Variants in ACTG2 observed in about 807,000 individuals in gnomAD.
ACTG2 encodes actin gamma 2, smooth muscle.
A neutral mutation model predicts 37.6 loss-of-function variants in ACTG2; 16 were observed. The observed-to-expected ratio is 0.43, with a 90% confidence interval of 0.29 to 0.65. The LOEUF is 0.65. Among genes scored for constraint, ACTG2 ranks in the 30% least tolerant of loss-of-function variants. ACTG2 has a pLI of 0.18. For missense variants in ACTG2, 238 were observed against 490.9 expected, an observed-to-expected ratio of 0.48 and a Z score of 4.87; for synonymous variants, 181 against 179.9, an observed-to-expected ratio of 1.01 and a Z score of -0.05.
At position 73,901,389 on chromosome 2, in the gene ACTG2, T is replaced by C. The variant is rs758891000; in HGVS notation, c.78T>C (p.Asp26=). ...GLCKAGFAGD[D]APRAVFPSIV... ...GCAAGGCAGGCTTCGCAGGAGATGATGCCCCCCGGGCTGTCTTCCCCTCCA... is the reference window on the plus strand; with the variant it reads ...GCAAGGCAGGCTTCGCAGGAGATGACGCCCCCCGGGCTGTCTTCCCCTCCA... The change falls in exon 2 of 9, where the codon GAT becomes GAC. Residue 26 remains aspartate, a synonymous_variant. Transcript: ENST00000345517. The C allele has an allele frequency of 6.2e-7, 1 of 1,614,230 alleles. No individual in the cohort carries two copies. Among genetic ancestry groups the C allele is most frequent in the Non-Finnish European group, 8.5e-7 (1 of 1,180,042 alleles).
At chr2:73,899,120 T>C (rs1380966497) in intron 1 of ACTG2, among the ~76,000 whole-genome samples, 1 of 152,082 alleles carries the variant, frequency 6.6e-6, no homozygotes, top group African/African-American at 2.4e-5. Context: ...ACAAGAACTT[T>C]CACAGTTTGG....
intron 5 of ACTG2, among the ~76,000 whole-genome samples, chr2:73,911,780 A>G (rs1052464589): frequency 2.0e-5 from 3 of 152,248 alleles, no homozygotes; most frequent in African/African-American, 7.2e-5. Context: ...AAATGTCATT[A>G]TGTGGACATG....
At chr2:73,911,423 G>C (rs1680137425) in intron 5 of ACTG2, among the ~76,000 whole-genome samples, 1 of 152,064 alleles carries the variant, frequency 6.6e-6, no homozygotes, top group Non-Finnish European at 1.5e-5. Context: ...CTGGAGCCCA[G>C]GAGGCAGAGG....
At chr2:73,909,559 C>T (rs1680084939) in intron 5 of ACTG2, among the ~76,000 whole-genome samples, 1 of 152,154 alleles carries the variant, frequency 6.6e-6, no homozygotes, top group South Asian at 2.1e-4. Flanking sequence ...AGTGTACTTG[C>T]ACAAACCTAG....
chr2:73,895,321 G>A (rs559654865), intron 1 of ACTG2, among the ~76,000 whole-genome samples: 7 of 152,282 alleles, frequency 4.6e-5, no homozygotes, highest in Non-Finnish European at 8.8e-5. Flanking sequence ...AGGCACCCAC[G>A]ACAGATTGTG....
intron 1 of ACTG2, among the ~76,000 whole-genome samples, chr2:73,896,206 T>C (rs1394967819): frequency 1.3e-5 from 2 of 152,038 alleles, no homozygotes; most frequent in African/African-American, 2.4e-5. Context: ...CAGAATGTAG[T>C]GGCCATGCCA....
rs139746909 is a variant in ACTG2 at position 73,919,148 on chromosome 2, C to T, written c.988-284C>T. Among the ~76,000 whole-genome samples, 691 of 152,326 alleles carry T rather than the reference C, an allele frequency of 4.5e-3. 3 individuals carry two copies. The highest frequency in any genetic ancestry group is 6.0e-3 in the Non-Finnish European group (407 of 68,028). ...CAGAGCAAGAGAACATGCCCAAGTA[C>T]ACAAGCATATTTCAAGCCCCTGTTT... On this transcript the variant is annotated intron_variant, in intron 8 of 8. Transcript: ENST00000345517.
intron 1 of ACTG2, among the ~76,000 whole-genome samples, chr2:73,894,519 A>G (rs1235686131): frequency 1.3e-5 from 2 of 152,140 alleles, no homozygotes; most frequent in East Asian, 3.9e-4. Flanking sequence ...TTGAGCACTT[A>G]TTATGGGCCA....
intron 1 of ACTG2, among the ~76,000 whole-genome samples, chr2:73,900,118 A>G (rs979736498): frequency 2.6e-5 from 4 of 152,204 alleles, no homozygotes; most frequent in Non-Finnish European, 4.4e-5. Context: ...GCTCCATGCC[A>G]TAGGCACCTG....
At chr2:73,895,091 G>A (rs1679714921) in intron 1 of ACTG2, among the ~76,000 whole-genome samples, 1 of 152,136 alleles carries the variant, frequency 6.6e-6, no homozygotes, top group South Asian at 2.1e-4. Flanking sequence ...CCAGGGCATT[G>A]GGCATGGGCT....
chr2:73,906,012 A>T (rs1330387232), intron 3 of ACTG2, among the ~76,000 whole-genome samples: 4 of 151,222 alleles, frequency 2.6e-5, no homozygotes, highest in Non-Finnish European at 5.9e-5. Flanking sequence ...ATAGTATAAT[A>T]ATATAATAAA....
At chr2:73,917,880 A>C (rs1680302222) in intron 8 of ACTG2, among the ~76,000 whole-genome samples, 1 of 152,140 alleles carries the variant, frequency 6.6e-6, no homozygotes. Flanking sequence ...GGGGCTTTTT[A>C]CCAGGACTGT....
intron 1 of ACTG2, among the ~76,000 whole-genome samples, chr2:73,900,849 C>G: frequency 6.6e-6 from 1 of 152,138 alleles, no homozygotes; most frequent in African/African-American, 2.4e-5. Flanking sequence ...TAGCTTCTTT[C>G]TTTGGCTTGT....
In ACTG2 at chr2:73,902,365, G is replaced by A. The variant is rs1174083172; in HGVS notation, c.132G>A (p.Val44=). 6.2e-7 allele frequency: 1 copy of A among 1,613,978 alleles called. No homozygotes were observed. The highest frequency in any genetic ancestry group is 1.7e-5 in the Admixed American group (1 of 59,988). ...SIVGRPRHQG[V]MVGMGQKDSY... ...TTCTTCTTTTTGCATTGCAGGGTGT[G>A]ATGGTGGGAATGGGCCAGAAAGACA... Residue 44 remains valine (V), a synonymous_variant, in exon 3 of 9, where the codon GTG becomes GTA. Coordinates refer to ENST00000345517, the MANE Select transcript of ACTG2 (RefSeq NM_001615.4).
At chr2:73,917,091 C>T (rs1680286505) in intron 8 of ACTG2, among the ~76,000 whole-genome samples, 1 of 152,038 alleles carries the variant, frequency 6.6e-6, no homozygotes, top group Non-Finnish European at 1.5e-5. Context: ...GTGGGAGGAT[C>T]ACTTGAGCCC....
At chr2:73,904,797 A>G (rs1369927080) in intron 3 of ACTG2, among the ~76,000 whole-genome samples, 2,255 of 113,682 alleles carry the variant, frequency 0.02, 23 homozygotes, top group East Asian at 0.045. Flanking sequence ...ATATATATAT[A>G]TATATATATA....
intron 5 of ACTG2, 74 bp downstream of exon 5, chr2:73,909,213 C>T: frequency 4.4e-6 from 6 of 1,359,804 alleles, no homozygotes; most frequent in Non-Finnish European, 5.3e-6. Context: ...GGCAGAGGCT[C>T]CTGCTCAGAA....
At chr2:73,906,836 A>G (rs1019820952) in intron 3 of ACTG2, among the ~76,000 whole-genome samples, 2 of 152,208 alleles carry the variant, frequency 1.3e-5, no homozygotes, top group African/African-American at 4.8e-5. Context: ...AAGGTATAAA[A>G]ACTCCAAAAA....
intron 3 of ACTG2, among the ~76,000 whole-genome samples, chr2:73,906,331 G>T (rs995334730): frequency 6.6e-6 from 1 of 151,880 alleles, no homozygotes; most frequent in African/African-American, 2.4e-5. Flanking sequence ...GGCACCCGTA[G>T]TCCCAGCTAC....
Sources: allele counts gnomAD v4.1 joint callset (sites outside exome capture counted in the v4.1 genomes callset), GRCh38; gene constraint gnomAD v4.1.1; transcripts MANE v1.5; gene names NCBI Gene and HGNC (gene_info 2026-07-23, HGNC 2026-07-21).